Variants in KCNG4 observed in about 807,000 individuals in gnomAD.
KCNG4 encodes the protein voltage-gated potassium channel regulatory subunit KCNG4.
Under a neutral mutation model 28.2 loss-of-function variants are expected in KCNG4, and 30 were observed. That is an observed-to-expected ratio of 1.06 (90% CI 0.80 to 1.44). The LOEUF (loss-of-function observed/expected upper bound fraction) is 1.44. Ranked by LOEUF, KCNG4 falls within the 40% of genes most tolerant of loss-of-function variation. The pLI is 0.00. For synonymous variants in KCNG4, 375 were observed against 315.5 expected, an observed-to-expected ratio of 1.19 and a Z score of -2.00; for missense variants, 879 against 712.3, an observed-to-expected ratio of 1.23 and a Z score of -2.66.
intron 1 of KCNG4, among the ~76,000 whole-genome samples, chr16:84,238,673 G>C (rs1905034652): frequency 6.6e-6 from 1 of 152,152 alleles, no homozygotes; most frequent in Admixed American, 6.5e-5. Flanking sequence ...AGGAGTTCGA[G>C]ACCAGCCTGG....
At chr16:84,230,181 G>T (rs749911270) in intron 2 of KCNG4, among the ~76,000 whole-genome samples, 1 of 152,136 alleles carries the variant, frequency 6.6e-6, no homozygotes, top group Non-Finnish European at 1.5e-5. Flanking sequence ...AAGGCTAGTG[G>T]ATCACCTGAG....
At chr16:84,232,346 G>A (rs976943087) in intron 2 of KCNG4, among the ~76,000 whole-genome samples, 2 of 152,192 alleles carry the variant, frequency 1.3e-5, no homozygotes, top group Admixed American at 6.5e-5. Context: ...CACCTGGCAC[G>A]ATTCTGTTTC....
chr16:84,224,389 T>C (rs111448835), intron 2 of KCNG4, among the ~76,000 whole-genome samples: 24 of 139,878 alleles, frequency 1.7e-4, no homozygotes, highest in African/African-American at 5.7e-4. Context: ...GTAGAAAACT[T>C]TGCTATACAT....
At chr16:84,227,825 C>T (rs959964567) in intron 2 of KCNG4, among the ~76,000 whole-genome samples, 2 of 152,224 alleles carry the variant, frequency 1.3e-5, no homozygotes, top group East Asian at 1.9e-4. Flanking sequence ...CAGACACAGA[C>T]ACGACATGTT....
intron 2 of KCNG4, among the ~76,000 whole-genome samples, chr16:84,231,973 C>A (rs1157340142): frequency 2.9e-5 from 4 of 136,792 alleles, no homozygotes; most frequent in African/African-American, 1.1e-4. Context: ...CACTGCACTC[C>A]AACCTGGGTA....
chr16:84,229,649 TCA>T (rs1441011774), intron 2 of KCNG4, among the ~76,000 whole-genome samples: 1 of 152,080 alleles, frequency 6.6e-6, no homozygotes, highest in Non-Finnish European at 1.5e-5. Context: ...CCTGAACGAC[TCA>T]TGAATGAGTG....
rs1454158271 is a variant in KCNG4, at chr16:84,231,875, G to A, written c.756+4855C>T. Among the ~76,000 whole-genome samples the A allele has an allele frequency of 2.6e-5, 4 of 151,978 alleles. No individual in the cohort carries two copies. The East Asian group carries it at 7.7e-4, about 29-fold the overall frequency. ...AAAAATGTGCTGGGGATGGTGTTGG[G>A]TGCCTATAATCCCAGCTACGTGGGA... On this transcript the variant is annotated intron_variant, in intron 2 of 2. Transcript: ENST00000308251.
At chr16:84,227,706 C>G (rs916200849) in intron 2 of KCNG4, among the ~76,000 whole-genome samples, 1 of 152,120 alleles carries the variant, frequency 6.6e-6, no homozygotes, top group East Asian at 1.9e-4. Flanking sequence ...ACATAAAATG[C>G]GGCCTATTCA....
rs1904516083 is a variant in KCNG4 at position 84,219,850 on chromosome 16, C to G, written c.*2367G>C. 1 of 152,010 alleles carries G rather than the reference C, an allele frequency of 6.6e-6. No homozygotes were observed. The highest frequency in any genetic ancestry group is 2.4e-5 in the African/African-American group (1 of 41,372). 9.4% of individuals were successfully genotyped at this position (152,010 alleles called of 1,614,324 possible). ...CATCAGGAGTTCAAGACCAGCCTGT[C>G]CACATGGTGAAACCTTGTCTCTACT... On this transcript the variant is annotated 3_prime_UTR_variant, in exon 3 of 3. Coordinates refer to ENST00000308251, the MANE Select transcript of KCNG4 (RefSeq NM_172347.3).
intron 1 of KCNG4, among the ~76,000 whole-genome samples, chr16:84,238,302 G>A (rs244821): frequency 0.013 from 1,972 of 152,264 alleles, 58 homozygotes; most frequent in African/African-American, 0.045. Flanking sequence ...AAGGTTCAGC[G>A]AGGGTCTGTT....
At chr16:84,238,407 C>G (rs534385298) in intron 1 of KCNG4, among the ~76,000 whole-genome samples, 6 of 152,322 alleles carry the variant, frequency 3.9e-5, no homozygotes, top group Admixed American at 2.0e-4. Flanking sequence ...CGCTTAATCC[C>G]TCTTGGTCGC....
intron 1 of KCNG4, among the ~76,000 whole-genome samples, chr16:84,238,612 C>A (rs921762293): frequency 2.0e-5 from 3 of 152,206 alleles, no homozygotes; most frequent in East Asian, 1.9e-4. Context: ...GTGGTTCATG[C>A]CTGTAATCCC....
intron 1 of KCNG4, among the ~76,000 whole-genome samples, chr16:84,239,405 C>G (rs1034885236): frequency 2.6e-5 from 4 of 152,224 alleles, no homozygotes; most frequent in African/African-American, 9.6e-5. Context: ...GGTCACACAG[C>G]AAATCCGAAT....
Position 84,222,618 on chromosome 16 carries a change from G to A in KCNG4, c.1159C>T (p.Pro387Ser). 6.2e-7 allele frequency: 1 copy of A among 1,613,346 alleles called. No homozygotes were observed. The highest frequency in any genetic ancestry group is 8.5e-7 in the Non-Finnish European group (1 of 1,179,992). Residue 387 changes from proline to serine, a missense_variant, in exon 3 of 3, where the codon CCT (proline) becomes TCT (serine). Pro to Ser is a moderately conservative substitution (Grantham distance 74). Coordinates refer to ENST00000308251, the MANE Select transcript of KCNG4 (RefSeq NM_172347.3). Reference sequence around the variant, plus strand: ...TCCTTCTCGGCCACGTAGACCAAAGGGGAGAAGAGGGTGATGGCCACGGCC... The same window carrying A: ...TCCTTCTCGGCCACGTAGACCAAAGAGGAGAAGAGGGTGATGGCCACGGCC... ...FLAVAITLFS[P>S]LVYVAEKESG... is the part of the protein sequence containing the mutation.
chr16:84,230,402 CA>C (rs36051103), intron 2 of KCNG4, among the ~76,000 whole-genome samples: 1,622 of 30,316 alleles, frequency 0.054, 63 homozygotes, highest in African/African-American at 0.17. Flanking sequence ...GACTTCATCT[CA>C]AAAAAAAAAA....
chr16:84,220,953 C>G lies in KCNG4; in HGVS notation c.*1264G>C, dbSNP rs1221357469. On this transcript the variant is annotated 3_prime_UTR_variant, in exon 3 of 3. Transcript: ENST00000308251. ...GCCTTCTCAACCCAACCCAGCTGTT[C>G]AGCTTCATCTCCTAAAATACACCTC... is the stretch of plus-strand genomic sequence containing the variant. 6.6e-6 allele frequency: 1 copy of G among 152,470 alleles called. No homozygotes were observed. The highest frequency in any genetic ancestry group is 1.5e-5 in the Non-Finnish European group (1 of 68,256). 9.4% of individuals were successfully genotyped at this position (152,470 alleles called of 1,614,324 possible). A position where few individuals can be genotyped will look rare whatever the true frequency, so the allele number is the denominator to read the frequency against.
At chr16:84,228,497 C>A (rs888377277) in intron 2 of KCNG4, among the ~76,000 whole-genome samples, 1 of 152,132 alleles carries the variant, frequency 6.6e-6, no homozygotes, top group Non-Finnish European at 1.5e-5. Context: ...ACTTTTCTCT[C>A]GGCCAGCCGT....
In KCNG4 at chr16:84,219,076, G is replaced by C. The variant is rs1019342333; in HGVS notation, c.*3141C>G. On this transcript the variant is annotated 3_prime_UTR_variant, in exon 3 of 3. Transcript: ENST00000308251. Reference sequence around the variant, plus strand: ...GGTTCCAGAATGAGCTTACCACTCAGTTCAAAGGGCTGGGCTGGACACTGA... The same window carrying C: ...GGTTCCAGAATGAGCTTACCACTCACTTCAAAGGGCTGGGCTGGACACTGA... The C allele has an allele frequency of 2.0e-5, 3 of 152,286 alleles. No homozygotes were observed. The highest frequency in any genetic ancestry group is 7.2e-5 in the African/African-American group (3 of 41,470). 9.4% of individuals were successfully genotyped at this position (152,286 alleles called of 1,614,324 possible).
chr16:84,236,670 G>A (rs758006047), intron 2 of KCNG4, 60 bp downstream of exon 2: 1 of 1,510,522 alleles, frequency 6.6e-7, no homozygotes, highest in East Asian at 2.3e-5. Context: ...GCCCCTAAAA[G>A]ACATCTCCGC....
Sources: allele counts gnomAD v4.1 joint callset (sites outside exome capture counted in the v4.1 genomes callset), GRCh38; gene constraint gnomAD v4.1.1; transcripts MANE v1.5; gene names NCBI Gene and HGNC (gene_info 2026-07-23, HGNC 2026-07-21).